Variants in TRIM55 observed in about 807,000 individuals in gnomAD.
The protein encoded by TRIM55 is tripartite motif containing 55, also known as tripartite motif-containing protein 55.
Under a neutral mutation model 60.9 loss-of-function variants are expected in TRIM55, and 50 were observed. That is an observed-to-expected ratio of 0.82 (90% CI 0.65 to 1.04). The LOEUF (loss-of-function observed/expected upper bound fraction) is 1.04, where lower values mean the gene tolerates loss of function less well. Among genes scored for constraint, TRIM55 ranks in the 50% least tolerant of loss-of-function variants. TRIM55 has a pLI of 0.00. For synonymous variants in TRIM55, 237 were observed against 238.1 expected (o/e 1.00, Z 0.04); for missense variants, 681 against 666.9 (o/e 1.02, Z -0.23).
intron 6 of TRIM55, 29 bp from the exon 7 acceptor site, chr8:66,150,313 C>G (rs571070166): frequency 6.2e-7 from 1 of 1,614,064 alleles, no homozygotes; most frequent in Non-Finnish European, 8.5e-7. Flanking sequence ...TCAACAGTGA[C>G]AGAAAGTGGC....
chr8:66,164,132 G>T (rs1227875050), intron 9 of TRIM55, among the ~76,000 whole-genome samples: 1 of 152,044 alleles, frequency 6.6e-6, no homozygotes, highest in Non-Finnish European at 1.5e-5. Context: ...AAAGACAGGG[G>T]TGGGGCACCT....
intron 4 of TRIM55, among the ~76,000 whole-genome samples, chr8:66,140,119 C>T (rs1033166882): frequency 1.3e-5 from 2 of 152,126 alleles, no homozygotes; most frequent in African/African-American, 4.8e-5. Context: ...GTAGGCTCTG[C>T]CATGTAGGTT....
At chr8:66,118,168 CAAAAAAAAAA>C in the TRIM55 span, among the ~76,000 whole-genome samples, 805 of 39,900 alleles carry the variant, frequency 0.02, 16 homozygotes, top group African/African-American at 0.045. Context: ...GACTCCGTCT[CAAAAAAAAAA>C]AAAAAAAAAA....
At chr8:66,117,732 T>G in the TRIM55 span, among the ~76,000 whole-genome samples, 2 of 149,998 alleles carry the variant, frequency 1.3e-5, no homozygotes, top group African/African-American at 2.5e-5. Context: ...GGGGTGGGTA[T>G]GGGTGGTGAG....
Position 66,137,137 on chromosome 8 carries a change from G to T in TRIM55, c.550G>T (p.Asp184Tyr). The T allele has an allele frequency of 6.2e-7, 1 of 1,614,108 alleles. No individual in the cohort carries two copies. Among genetic ancestry groups the T allele is most frequent in the South Asian group, 1.1e-5 (1 of 91,070 alleles). The part of the protein sequence containing the change: ...DGIAILVGSN[D>Y]RVQGVISQLE... ...CATCGCCATCCTCGTGGGCAGCAAC[G>T]ATCGAGTCCAGGGAGTGATCAGCCA... Residue 184 changes from aspartate to tyrosine, a missense_variant, in exon 4 of 10, where the codon GAT becomes TAT. Coordinates refer to ENST00000315962, the MANE Select transcript of TRIM55 (RefSeq NM_184085.2).
intron 9 of TRIM55, among the ~76,000 whole-genome samples, chr8:66,172,853 C>T (rs571849120): frequency 2.0e-5 from 3 of 152,354 alleles, no homozygotes; most frequent in African/African-American, 7.2e-5. Flanking sequence ...TCGCTATTTG[C>T]TCAAATTGAA....
At chr8:66,118,529 G>A in the TRIM55 span, among the ~76,000 whole-genome samples, 1 of 152,166 alleles carries the variant, frequency 6.6e-6, no homozygotes, top group Non-Finnish European at 1.5e-5. Flanking sequence ...AAAACATTTA[G>A]TATTTTGTAG....
At chr8:66,162,698 C>T (rs1351529970) in intron 9 of TRIM55, among the ~76,000 whole-genome samples, 1 of 151,980 alleles carries the variant, frequency 6.6e-6, no homozygotes, top group Non-Finnish European at 1.5e-5. Flanking sequence ...AATCTCACTG[C>T]TTGTTATTCA....
rs747697761 is a variant in TRIM55 at position 66,174,482 on chromosome 8, G to A, written c.1536G>A (p.Glu512=). ...TTCTTCCATTGCAGATTGGATTTGA[G>A]GCTCCTCCCCTCCAGGGACAGGCTG... ...APAATSQIGF[E]APPLQGQAAA... Residue 512 remains glutamate (E), a synonymous_variant, in exon 10 of 10, where the codon GAG becomes GAA. Coordinates refer to ENST00000315962, the MANE Select transcript of TRIM55 (RefSeq NM_184085.2). 6.2e-7 allele frequency: 1 copy of A among 1,611,266 alleles called. No individual in the cohort carries two copies. The highest frequency in any genetic ancestry group is 8.5e-7 in the Non-Finnish European group (1 of 1,179,216).
chr8:66,122,794 G>A (rs995643034), upstream of TRIM55, among the ~76,000 whole-genome samples: 1 of 152,140 alleles, frequency 6.6e-6, no homozygotes, highest in African/African-American at 2.4e-5. Context: ...GAGATCTTAA[G>A]ACTGAACAAA....
Position 66,137,153 on chromosome 8 carries a change from T to A in TRIM55, c.566T>A (p.Val189Glu), listed in dbSNP as rs1163760470. ...GGCAGCAACGATCGAGTCCAGGGAG[T>A]GATCAGCCAGCTGGAAGACACCTGC... Reference protein sequence around the residue: ...LVGSNDRVQGVISQLEDTCKT... With the variant: ...LVGSNDRVQGEISQLEDTCKT... Residue 189 changes from valine to glutamate, a missense_variant, in exon 4 of 10, where the codon GTG becomes GAG. Val to Glu is a moderately radical substitution (Grantham distance 121). Coordinates refer to ENST00000315962, the MANE Select transcript of TRIM55 (RefSeq NM_184085.2). The A allele has an allele frequency of 2.4e-5, 38 of 1,613,728 alleles. No homozygotes were observed. Among genetic ancestry groups the A allele is most frequent in the Non-Finnish European group, 3.1e-5 (37 of 1,179,964 alleles).
At chr8:66,169,145 G>GC (rs763829836) in intron 9 of TRIM55, among the ~76,000 whole-genome samples, 6 of 152,036 alleles carry the variant, frequency 3.9e-5, no homozygotes, top group Non-Finnish European at 5.9e-5. Context: ...AAAAAATAAT[G>GC]CCCCCCCACA....
intron 2 of TRIM55, among the ~76,000 whole-genome samples, chr8:66,134,085 A>G (rs1014111943): frequency 6.6e-6 from 1 of 152,218 alleles, no homozygotes; most frequent in Non-Finnish European, 1.5e-5. Context: ...TATTTTAACA[A>G]TGCAGATCAT....
intron 9 of TRIM55, among the ~76,000 whole-genome samples, chr8:66,168,252 C>T (rs1204925932): frequency 1.3e-5 from 2 of 152,180 alleles, no homozygotes; most frequent in African/African-American, 4.8e-5. Flanking sequence ...GTTTCTAAGG[C>T]TTTGACCCTT....
At chr8:66,150,138 C>T in intron 5 of TRIM55, 79 bp from the exon 6 acceptor site, 1 of 1,514,706 alleles carries the variant, frequency 6.6e-7, no homozygotes, top group South Asian at 1.2e-5. Context: ...TTCTCAGAGT[C>T]AACAAAGGAA....
chr8:66,144,656 T>A (rs2128978030), intron 4 of TRIM55, among the ~76,000 whole-genome samples: 1 of 152,338 alleles, frequency 6.6e-6, no homozygotes, highest in South Asian at 2.1e-4. Context: ...TCAAAAAGTG[T>A]ATATCTTGAT....
At chr8:66,156,457 G>A (rs768508539) in intron 9 of TRIM55, among the ~76,000 whole-genome samples, 1 of 152,076 alleles carries the variant, frequency 6.6e-6, no homozygotes, top group African/African-American at 2.4e-5. Flanking sequence ...CGTTCTCATA[G>A]CCAAGCCTTT....
At chr8:66,125,240 T>A (rs982063662), upstream of TRIM55, among the ~76,000 whole-genome samples, 6 of 152,256 alleles carry the variant, frequency 3.9e-5, no homozygotes, top group African/African-American at 1.2e-4. Context: ...TTGAGACCTG[T>A]CTCAGGTACT....
intron 9 of TRIM55, among the ~76,000 whole-genome samples, chr8:66,161,994 A>G (rs546687968): frequency 7.2e-5 from 11 of 152,178 alleles, no homozygotes; most frequent in South Asian, 2.1e-4. Flanking sequence ...CTCTTTACCA[A>G]TTTGGATGCC....
Sources: gnomAD v4.1 joint callset for allele counts (sites outside exome capture counted in the v4.1 genomes callset) on GRCh38, gnomAD v4.1.1 for gene constraint, MANE v1.5 for transcripts, NCBI Gene and HGNC (gene_info 2026-07-23, HGNC 2026-07-21) for gene names.